The following GABRG3 variants were observed in gnomAD, a reference collection of about 807,000 sequenced individuals.
The protein encoded by GABRG3 is gamma-aminobutyric acid type A receptor subunit gamma3, also known as gamma-aminobutyric acid receptor subunit gamma-3.
A neutral mutation model predicts 48.8 loss-of-function variants in GABRG3; 25 were observed. The observed-to-expected ratio is 0.51, with a 90% CI of 0.37 to 0.72. The LOEUF (loss-of-function observed/expected upper bound fraction) is 0.72, where lower values mean the gene tolerates loss of function less well. GABRG3 is among the 30% of genes least tolerant of loss of function. The pLI is 0.00. For synonymous variants in GABRG3, 227 were observed against 217.6 expected (o/e 1.04, Z -0.38); for missense variants, 394 against 577.9 (o/e 0.68, Z 3.26).
At chr15:27,436,462 A>G (rs1888614336) in intron 5 of GABRG3, among the ~76,000 whole-genome samples, 1 of 152,222 alleles carries the variant, frequency 6.6e-6, no homozygotes, top group Non-Finnish European at 1.5e-5. Flanking sequence ...AAAGTACTGC[A>G]CATTCACTTT....
rs1322562662 is a variant in GABRG3, at chr15:27,306,616, CATAT to C, written c.271-20189_271-20186del. ...ATATAAACATATGTTTATATATAAA[CATAT>C]ATAATATAAACATATATTTATATAT... is the stretch of plus-strand genomic sequence containing the variant. On this transcript the variant is annotated intron_variant, in intron 3 of 9. Coordinates refer to ENST00000615808, the MANE Select transcript of GABRG3 (RefSeq NM_033223.5). Among the ~76,000 whole-genome samples the C allele has an allele frequency of 7.5e-5, 9 of 120,664 alleles. 1 individual carries two copies. The highest frequency in any genetic ancestry group is 3.0e-4 in the African/African-American group (9 of 29,922). The allele number at this position is 120,664 out of a possible 152,430, so 79.2% of individuals were successfully genotyped here. A position where few individuals can be genotyped will look rare whatever the true frequency, so the allele number is the denominator to read the frequency against.
intron 3 of GABRG3, among the ~76,000 whole-genome samples, chr15:27,055,952 A>G (rs1040626565): frequency 1.3e-5 from 2 of 152,234 alleles, no homozygotes; most frequent in African/African-American, 2.4e-5. Context: ...ATGAGGTACA[A>G]TGTGACACTT....
Position 26,976,668 on chromosome 15 carries a change from A to T in GABRG3, c.54-334A>T, listed in dbSNP as rs527330453. 4.9e-4 allele frequency among the ~76,000 whole-genome samples: 74 copies of T among 152,156 alleles called. No homozygotes were observed. Among genetic ancestry groups the T allele is most frequent in the Non-Finnish European group, 8.2e-4 (56 of 68,034 alleles). ...GTTTGTGCCTTGACCTTCACAGGCT[A>T]TCGGGGTGGATCCAAGGGTGTGTTG... is the stretch of plus-strand genomic sequence containing the variant. On this transcript the variant is annotated intron_variant, in intron 1 of 9. Coordinates refer to ENST00000615808, the MANE Select transcript of GABRG3 (RefSeq NM_033223.5). This position sits in a 1 kb window ranked among gnomAD's most constrained non-coding sequence, Gnocchi z 7.8.
chr15:27,300,460 T>C (rs568417593), intron 3 of GABRG3, among the ~76,000 whole-genome samples: 1 of 151,862 alleles, frequency 6.6e-6, no homozygotes, highest in East Asian at 1.9e-4. Context: ...GGTCAGGAGT[T>C]GGAGACCAGC....
intron 3 of GABRG3, among the ~76,000 whole-genome samples, chr15:27,136,454 A>G (rs1265457001): frequency 6.6e-6 from 1 of 152,168 alleles, no homozygotes; most frequent in Non-Finnish European, 1.5e-5. Context: ...TTAACTTTAG[A>G]GGGTGGAAGG....
intron 2 of GABRG3, among the ~76,000 whole-genome samples, chr15:27,012,507 A>G (rs574596051): frequency 2.7e-4 from 41 of 152,224 alleles, no homozygotes; most frequent in South Asian, 2.1e-3. Context: ...TAAAATCTCA[A>G]TATCTTTTTG....
chr15:27,062,465 T>G (rs7495741), intron 3 of GABRG3, among the ~76,000 whole-genome samples: 90,525 of 132,086 alleles, frequency 0.69, 32,761 homozygotes, highest in Non-Finnish European at 0.81. Context: ...AAAATTAGCC[T>G]TGCATGATGG....
intron 5 of GABRG3, among the ~76,000 whole-genome samples, chr15:27,417,420 T>C (rs1413954505): frequency 1.3e-5 from 2 of 152,134 alleles, no homozygotes; most frequent in Admixed American, 6.5e-5. Flanking sequence ...TCTACCCCTG[T>C]TGGTGTTTCT....
At chr15:27,057,953 C>G (rs1196910799) in intron 3 of GABRG3, among the ~76,000 whole-genome samples, 1 of 152,176 alleles carries the variant, frequency 6.6e-6, no homozygotes, top group African/African-American at 2.4e-5. Context: ...GGGCTTCTTA[C>G]AGGACATGAG....
intron 5 of GABRG3, among the ~76,000 whole-genome samples, chr15:27,371,699 A>G (rs1218963976): frequency 6.6e-6 from 1 of 152,348 alleles, no homozygotes; most frequent in Non-Finnish European, 1.5e-5. Context: ...TGAGGAGGAC[A>G]AAAGGATTAG....
At chr15:27,248,803 C>CACACACAGAGAGAGAGAG (rs1377080195) in intron 3 of GABRG3, among the ~76,000 whole-genome samples, 17 of 110,236 alleles carry the variant, frequency 1.5e-4, no homozygotes, top group African/African-American at 6.2e-4. Context: ...CACACACACA[C>CACACACAGAGAGAGAGAG]AGAGAGAGAG....
chr15:27,503,906 C>G (rs1890701725), intron 6 of GABRG3, among the ~76,000 whole-genome samples: 1 of 152,102 alleles, frequency 6.6e-6, no homozygotes, highest in African/African-American at 2.4e-5. Context: ...GGCACTGACC[C>G]TTTTTCATTA....
intron 5 of GABRG3, among the ~76,000 whole-genome samples, chr15:27,374,152 T>G (rs1895510880): frequency 6.9e-6 from 1 of 145,724 alleles, no homozygotes; most frequent in African/African-American, 2.5e-5. Flanking sequence ...TTTTTTTTTT[T>G]TTTTTTTTTC....
chr15:27,435,920 T>A (rs890859479), intron 5 of GABRG3, among the ~76,000 whole-genome samples: 12 of 152,196 alleles, frequency 7.9e-5, no homozygotes, highest in African/African-American at 2.4e-4. Context: ...GCTCTGGGAA[T>A]GGCACAGGGT....
At chr15:27,109,718 C>G (rs1436149984) in intron 3 of GABRG3, among the ~76,000 whole-genome samples, 1 of 152,134 alleles carries the variant, frequency 6.6e-6, no homozygotes, top group African/African-American at 2.4e-5. Context: ...CCTGTCTCTA[C>G]TAAAAGTACA....
intron 3 of GABRG3, among the ~76,000 whole-genome samples, chr15:27,073,887 C>A (rs1896867161): frequency 6.6e-6 from 1 of 152,198 alleles, no homozygotes; most frequent in Non-Finnish European, 1.5e-5. Flanking sequence ...CTCACATCAA[C>A]AGATGGCCTT....
intron 3 of GABRG3, among the ~76,000 whole-genome samples, chr15:27,105,433 C>T (rs1175505166): frequency 2.0e-5 from 3 of 152,148 alleles, no homozygotes; most frequent in Non-Finnish European, 2.9e-5. Context: ...GAATACTCCA[C>T]CCAACAACAG....
intron 3 of GABRG3, among the ~76,000 whole-genome samples, chr15:27,132,471 G>GTTTTTTTTT (rs59023766): frequency 5.1e-5 from 2 of 39,586 alleles, no homozygotes; most frequent in African/African-American, 1.8e-4. Flanking sequence ...AGTAGTTACA[G>GTTTTTTTTT]TTTTTTTTTT....
At chr15:27,475,375 C>T (rs1219918126) in intron 5 of GABRG3, among the ~76,000 whole-genome samples, 1 of 152,064 alleles carries the variant, frequency 6.6e-6, no homozygotes, top group African/African-American at 2.4e-5. Flanking sequence ...ATATAGAAAG[C>T]CCTTGGAATA....
Sources: gnomAD v4.1 joint callset for allele counts (sites outside exome capture counted in the v4.1 genomes callset) on GRCh38, gnomAD v4.1.1 for gene constraint, Gnocchi (gnomAD v3.1) non-coding constraint, MANE v1.5 for transcripts, NCBI Gene and HGNC (gene_info 2026-07-23, HGNC 2026-07-21) for gene names.